TTLL7: variants seen among roughly 807,000 people sequenced by gnomAD.
TTLL7 encodes the protein tubulin tyrosine ligase like 7, also known as tubulin polyglutamylase TTLL7.
In TTLL7, 53 loss-of-function variants were observed where a neutral mutation model predicts 120.2. The ratio of observed to expected loss-of-function variants is 0.44; its 90% CI spans 0.35 to 0.55. The LOEUF (loss-of-function observed/expected upper bound fraction) is 0.55, where lower values mean the gene tolerates loss of function less well. Among genes scored for constraint, TTLL7 ranks in the 20% least tolerant of loss-of-function variants. The pLI, the probability that TTLL7 is intolerant of heterozygous loss-of-function variation, is 0.00. For synonymous variants in TTLL7, 353 were observed against 351.7 expected (o/e 1.00, Z -0.04); for missense variants, 803 against 1,054.7 (o/e 0.76, Z 3.31).
chr1:83,892,502 ATG>A, intron 18 of TTLL7, among the ~76,000 whole-genome samples: 1 of 122,364 alleles, frequency 8.2e-6, no homozygotes, highest in Non-Finnish European at 1.8e-5. Flanking sequence ...ATATGAACAT[ATG>A]AATGAACATA....
chr1:83,877,850 T>C (rs921177127), intron 20 of TTLL7, among the ~76,000 whole-genome samples: 6 of 151,910 alleles, frequency 3.9e-5, no homozygotes, highest in African/African-American at 1.2e-4. Flanking sequence ...ATTTTTATTA[T>C]TTTTTTCTGT....
intron 2 of TTLL7, 21 bp downstream of exon 2, chr1:83,952,164 CAT>C (rs760593241): frequency 1.2e-5 from 19 of 1,609,946 alleles, no homozygotes; most frequent in Admixed American, 1.7e-5. Flanking sequence ...TATTTTGTAA[CAT>C]AGTTAAGTCA....
At position 83,921,314 on chromosome 1, in the gene TTLL7, C is replaced by CT. The variant is rs1557646394; in HGVS notation, c.1222dup (p.Arg408LysfsTer40). On this transcript the variant is annotated frameshift_variant, in exon 11 of 21. Transcript: ENST00000260505. LOFTEE classifies it high-confidence loss of function. ...CCAGTCTGAGGAGCCTGGTAAGAGC[C>CT]TTTTAATTGAATTTTGACCATAGAG... is the stretch of plus-strand genomic sequence containing the variant. The CT allele has an allele frequency of 6.2e-7, 1 of 1,612,986 alleles. No homozygotes were observed.
At position 83,948,662 on chromosome 1, in the gene TTLL7, A is replaced by T. The variant is rs1648741674; in HGVS notation, c.313T>A (p.Cys105Ser). The T allele has an allele frequency of 6.2e-7, 1 of 1,611,288 alleles. No homozygotes were observed. Among genetic ancestry groups the T allele is most frequent in the Non-Finnish European group, 8.5e-7 (1 of 1,177,968 alleles). ...TTTCTTGCTAAGAAATCCTTCCTAC[A>T]GATCTCCCCCATTCCTGGAAAATGG... ...INHFPGMGEI[C>S]RKDFLARNMT... The change falls in exon 5 of 21, where the codon TGT becomes AGT. Residue 105 changes from cysteine to serine, a missense_variant. Coordinates refer to ENST00000260505, the MANE Select transcript of TTLL7 (RefSeq NM_024686.6).
At chr1:83,891,625 C>T (rs111553075) in intron 18 of TTLL7, among the ~76,000 whole-genome samples, 70 of 152,204 alleles carry the variant, frequency 4.6e-4, no homozygotes, top group African/African-American at 1.6e-3. Flanking sequence ...TTCATAGCAG[C>T]TGTTAACAAT....
chr1:83,889,114 G>A (rs956617306), intron 19 of TTLL7, among the ~76,000 whole-genome samples: 2 of 152,094 alleles, frequency 1.3e-5, no homozygotes, highest in African/African-American at 4.8e-5. Context: ...CATGGCTGGG[G>A]AAGCCTCAAG....
At position 83,942,448 on chromosome 1, in the gene TTLL7, T is replaced by C; in HGVS notation, c.723+15A>G. 4 of 1,586,268 alleles carry C rather than the reference T, an allele frequency of 2.5e-6. No individual in the cohort carries two copies. Among genetic ancestry groups the C allele is most frequent in the South Asian group, 1.1e-5 (1 of 90,440 alleles). On this transcript the variant is annotated intron_variant, in intron 7 of 20. Coordinates refer to ENST00000260505, the MANE Select transcript of TTLL7 (RefSeq NM_024686.6). ...CAAATGAATGAAAAGATAAGCTCTG[T>C]CTGGTATCACTTACCAAATTGGACT...
chr1:83,930,019 T>C (rs1659464756), intron 9 of TTLL7, among the ~76,000 whole-genome samples: 1 of 152,046 alleles, frequency 6.6e-6, no homozygotes, highest in South Asian at 2.1e-4. Flanking sequence ...CCTGAAGAAA[T>C]ATCACATTAT....
intron 1 of TTLL7, among the ~76,000 whole-genome samples, chr1:83,963,421 A>G (rs1650181519): frequency 6.6e-6 from 1 of 152,086 alleles, no homozygotes; most frequent in Non-Finnish European, 1.5e-5. Context: ...TGAAGGAGGC[A>G]GAGCAGAAAG....
intron 8 of TTLL7, among the ~76,000 whole-genome samples, chr1:83,936,698 A>G (rs1571240007): frequency 6.6e-6 from 1 of 152,234 alleles, no homozygotes; most frequent in African/African-American, 2.4e-5. Flanking sequence ...CCAAATCCAG[A>G]TGACATTTTT....
chr1:83,945,289 T>G (rs1648376758), intron 6 of TTLL7, among the ~76,000 whole-genome samples: 1 of 152,062 alleles, frequency 6.6e-6, no homozygotes, highest in Admixed American at 6.5e-5. Context: ...TCAAATAGAT[T>G]CAAAATGAAA....
chr1:83,951,810 AT>A (rs777185143), intron 3 of TTLL7, 34 bp downstream of exon 3: 62 of 1,577,960 alleles, frequency 3.9e-5, no homozygotes, highest in Non-Finnish European at 5.1e-5. Flanking sequence ...TCCAGCAATT[AT>A]GAGAATCCCA....
intron 20 of TTLL7, among the ~76,000 whole-genome samples, chr1:83,874,235 T>G (rs1437661303): frequency 6.6e-6 from 1 of 152,130 alleles, no homozygotes; most frequent in Non-Finnish European, 1.5e-5. Flanking sequence ...ACAAGATTTG[T>G]CCATTTGTGT....
chr1:83,918,182 T>C (rs747755872), intron 13 of TTLL7, among the ~76,000 whole-genome samples: 12 of 152,172 alleles, frequency 7.9e-5, no homozygotes, highest in Non-Finnish European at 1.2e-4. Context: ...AATGAAACTC[T>C]TTCAAAATTT....
At chr1:83,989,172 T>A (rs1285529387) in intron 1 of TTLL7, among the ~76,000 whole-genome samples, 1 of 152,222 alleles carries the variant, frequency 6.6e-6, no homozygotes, top group Non-Finnish European at 1.5e-5. Flanking sequence ...GTACAGAAGC[T>A]CTTTACTTTG....
At chr1:83,991,219 C>T (rs1031142943) in intron 1 of TTLL7, among the ~76,000 whole-genome samples, 1 of 152,012 alleles carries the variant, frequency 6.6e-6, no homozygotes, top group African/African-American at 2.4e-5. Context: ...GGGTGAAAAG[C>T]AGAGTTGTTT....
At position 83,906,405 on chromosome 1, in the gene TTLL7, G is replaced by A. The variant is rs1657202194; in HGVS notation, c.2051C>T (p.Thr684Ile). Reference protein sequence around the residue: ...KEQEDDLTSQTLFVLKDMKIR... With the variant: ...KEQEDDLTSQILFVLKDMKIR... ...CTTCATGTCTTTGAGAACAAATAAG[G>A]TCTGACTTGTTAGATCATCTTCTTG... Residue 684 changes from threonine to isoleucine, a missense_variant, in exon 17 of 21, where the codon ACC becomes ATC. Around this residue, in one of 3 missense-constraint regions of TTLL7, gnomAD observed 388 missense variants for 450.4 expected, o/e 0.86. Coordinates refer to ENST00000260505, the MANE Select transcript of TTLL7 (RefSeq NM_024686.6). 1 of 1,612,260 alleles carries A rather than the reference G, an allele frequency of 6.2e-7. No individual in the cohort carries two copies. The highest frequency in any genetic ancestry group is 1.3e-5 in the African/African-American group (1 of 74,894).
intron 10 of TTLL7, among the ~76,000 whole-genome samples, chr1:83,921,633 G>A (rs774293287): frequency 6.6e-5 from 10 of 152,116 alleles, no homozygotes; most frequent in Non-Finnish European, 1.0e-4. Flanking sequence ...GCATGTTTTA[G>A]AGGATCAGAG....
intron 6 of TTLL7, among the ~76,000 whole-genome samples, chr1:83,943,235 C>T (rs1034668898): frequency 6.6e-6 from 1 of 152,072 alleles, no homozygotes; most frequent in African/African-American, 2.4e-5. Flanking sequence ...AGACAATAGA[C>T]CAATTAAAAA....
Sources: gnomAD v4.1 joint callset for allele counts (sites outside exome capture counted in the v4.1 genomes callset) on GRCh38, gnomAD v4.1.1 for gene constraint, gnomAD v4.1.1 regional missense constraint, MANE v1.5 for transcripts, NCBI Gene and HGNC (gene_info 2026-07-23, HGNC 2026-07-21) for gene names.